Variants in MDFIC observed in about 807,000 individuals in gnomAD.
The protein encoded by MDFIC is MyoD family inhibitor domain containing.
Under a neutral mutation model 23.2 loss-of-function variants are expected in MDFIC, and 17 were observed. The observed-to-expected ratio is 0.73, with a 90% confidence interval of 0.50 to 1.10. The LOEUF (loss-of-function observed/expected upper bound fraction) is 1.10. Among genes scored for constraint, MDFIC ranks in the 50% least tolerant of loss-of-function variants. The pLI is 0.00. For synonymous variants in MDFIC, 120 were observed against 115.2 expected (o/e 1.04, Z -0.27); for missense variants, 356 against 316.6 (o/e 1.12, Z -0.95).
intron 2 of MDFIC, among the ~76,000 whole-genome samples, chr7:114,939,514 A>T (rs993939654): frequency 6.6e-6 from 1 of 152,192 alleles, no homozygotes; most frequent in African/African-American, 2.4e-5. Flanking sequence ...AATTTTGCAG[A>T]TAAGGAAACT....
rs757179678 is a variant in MDFIC, at chr7:114,922,452, TGCCGCCACTGCG to T, written c.-289_-278del. ...TCAGAGCCGCCACCGCTGCCGCAGT[TGCCGCCACTGCG>T]GCGTCTGGGCTGAGCCGGAGGGAGG... On this transcript the variant is annotated 5_prime_UTR_variant, in exon 1 of 5. Coordinates refer to ENST00000393486, the MANE Select transcript of MDFIC (RefSeq NM_001166345.3). 1 of 1,244,560 alleles carries T rather than the reference TGCCGCCACTGCG, an allele frequency of 8.0e-7. No individual in the cohort carries two copies. The highest frequency in any genetic ancestry group is 1.0e-6 in the Non-Finnish European group (1 of 988,992). The allele number at this position is 1,244,560 out of a possible 1,614,324, so 77.1% of individuals were successfully genotyped here.
At chr7:114,939,435 A>G (rs1792495477) in intron 2 of MDFIC, among the ~76,000 whole-genome samples, 1 of 152,216 alleles carries the variant, frequency 6.6e-6, no homozygotes, top group Admixed American at 6.5e-5. Flanking sequence ...ATTGAATATA[A>G]TCATACAGAG....
At chr7:114,958,249 G>C (rs1043926380) in intron 3 of MDFIC, among the ~76,000 whole-genome samples, 2 of 152,140 alleles carry the variant, frequency 1.3e-5, no homozygotes, top group African/African-American at 4.8e-5. Context: ...TCCTTCAATG[G>C]CTTTAGTGTT....
At chr7:114,998,494 T>C (rs963461185) in intron 4 of MDFIC, among the ~76,000 whole-genome samples, 3 of 152,188 alleles carry the variant, frequency 2.0e-5, no homozygotes, top group Admixed American at 6.5e-5. Context: ...GTGTAATACA[T>C]GCCTTAATTC....
intron 3 of MDFIC, among the ~76,000 whole-genome samples, chr7:114,966,465 A>AT (rs1408423631): frequency 6.6e-6 from 1 of 151,244 alleles, no homozygotes; most frequent in African/African-American, 2.4e-5. Context: ...TTATATGGTT[A>AT]TTTTTTCTAT....
intron 3 of MDFIC, among the ~76,000 whole-genome samples, chr7:114,964,423 A>G (rs1265703913): frequency 6.6e-6 from 1 of 152,174 alleles, no homozygotes; most frequent in Non-Finnish European, 1.5e-5. Context: ...TATTTAAACA[A>G]TTGAAATGGG....
At chr7:114,977,197 A>G (rs904645611) in intron 3 of MDFIC, among the ~76,000 whole-genome samples, 2 of 152,202 alleles carry the variant, frequency 1.3e-5, no homozygotes, top group African/African-American at 4.8e-5. Context: ...AATGAAGATA[A>G]TGATGATTTT....
Position 114,942,270 on chromosome 7 carries a change from T to C in MDFIC, c.95-5T>C. ...ATTATATTAAATGTATCTTTTTTAA[T>C]TCAGGAAAATGTGATAAAGACAATA... is the stretch of plus-strand genomic sequence containing the variant. On this transcript the variant is annotated splice_polypyrimidine_tract_variant and splice_region_variant and intron_variant, in intron 2 of 4. Transcript: ENST00000393486. 1.4e-6 allele frequency: 2 copies of C among 1,463,344 alleles called. No individual in the cohort carries two copies. Among genetic ancestry groups the C allele is most frequent in the Non-Finnish European group, 1.9e-6 (2 of 1,080,774 alleles). 90.6% of individuals were successfully genotyped at this position (1,463,344 alleles called of 1,614,324 possible). A position where few individuals can be genotyped will look rare whatever the true frequency, so the allele number is the denominator to read the frequency against.
At chr7:114,986,354 T>C (rs960932237) in intron 4 of MDFIC, among the ~76,000 whole-genome samples, 1 of 152,086 alleles carries the variant, frequency 6.6e-6, no homozygotes, top group Non-Finnish European at 1.5e-5. Flanking sequence ...TCCCCACCAG[T>C]AGGAGTACAG....
chr7:114,943,372 A>C (rs538303655), intron 3 of MDFIC, among the ~76,000 whole-genome samples: 1 of 152,206 alleles, frequency 6.6e-6, no homozygotes, highest in African/African-American at 2.4e-5. Flanking sequence ...AAATTAGAAA[A>C]AAAAAGGAAG....
At chr7:114,956,664 G>A (rs1265345325) in intron 3 of MDFIC, among the ~76,000 whole-genome samples, 3 of 151,890 alleles carry the variant, frequency 2.0e-5, no homozygotes, top group Non-Finnish European at 4.4e-5. Context: ...CTTTATCTTG[G>A]CTTAAAATAT....
chr7:114,959,634 C>A (rs528774592), intron 3 of MDFIC, among the ~76,000 whole-genome samples: 1 of 152,162 alleles, frequency 6.6e-6, no homozygotes, highest in African/African-American at 2.4e-5. Flanking sequence ...AGGCCTATTG[C>A]AGTCCACTCT....
chr7:114,991,050 G>A (rs1276278355), intron 4 of MDFIC, among the ~76,000 whole-genome samples: 7 of 151,944 alleles, frequency 4.6e-5, no homozygotes, highest in African/African-American at 1.2e-4. Flanking sequence ...TCTAACTGGT[G>A]TGAGATGGTA....
intron 2 of MDFIC, among the ~76,000 whole-genome samples, chr7:114,933,314 A>C (rs528254543): frequency 6.8e-6 from 1 of 147,394 alleles, no homozygotes; most frequent in South Asian, 2.1e-4. Context: ...GCTGGAGTGC[A>C]ATGGCGTGAT....
chr7:115,007,174 G>A (rs1048166349), intron 4 of MDFIC, among the ~76,000 whole-genome samples: 4 of 152,156 alleles, frequency 2.6e-5, no homozygotes, highest in Non-Finnish European at 4.4e-5. Context: ...AGAATGGTCC[G>A]ATGTCCGTGT....
chr7:114,964,988 T>C (rs1793069928), intron 3 of MDFIC, among the ~76,000 whole-genome samples: 1 of 152,234 alleles, frequency 6.6e-6, no homozygotes. Context: ...TTTCTTGTTA[T>C]GGAAAAGCAT....
chr7:114,962,270 G>A lies in MDFIC; in HGVS notation c.218-17236G>A, dbSNP rs146599309. Among the ~76,000 whole-genome samples the A allele has an allele frequency of 4.4e-3, 668 of 152,300 alleles. 2 individuals carry two copies. The highest frequency in any genetic ancestry group is 0.015 in the African/African-American group (643 of 41,556). On this transcript the variant is annotated intron_variant, in intron 3 of 4. Coordinates refer to ENST00000393486, the MANE Select transcript of MDFIC (RefSeq NM_001166345.3). The stretch of plus-strand genomic sequence containing the variant: ...TAGTTTGCCCAAGAATACTCAGATA[G>A]TGGCAGAACCGGAGCTGCAACTTTT...
chr7:114,960,923 T>C (rs1395830509), intron 3 of MDFIC, among the ~76,000 whole-genome samples: 1 of 152,170 alleles, frequency 6.6e-6, no homozygotes, highest in Non-Finnish European at 1.5e-5. Context: ...ACTAATTTTA[T>C]GGTTCTGAAA....
At chr7:115,007,619 T>G (rs1791594911) in intron 4 of MDFIC, among the ~76,000 whole-genome samples, 1 of 93,776 alleles carries the variant, frequency 1.1e-5, no homozygotes, top group Non-Finnish European at 2.1e-5. Context: ...CTATCTAGTG[T>G]GCGTGTGTGT....
Sources: allele counts gnomAD v4.1 joint callset (sites outside exome capture counted in the v4.1 genomes callset), GRCh38; gene constraint gnomAD v4.1.1; transcripts MANE v1.5; gene names NCBI Gene and HGNC (gene_info 2026-07-23, HGNC 2026-07-21).